Variants in AAK1 observed in about 807,000 individuals in gnomAD.
AAK1 encodes the protein AP2 associated kinase 1.
In AAK1, 37 loss-of-function variants were observed where a neutral mutation model predicts 116.0. The observed-to-expected ratio is 0.32, with a 90% CI of 0.25 to 0.42. The LOEUF (loss-of-function observed/expected upper bound fraction) is 0.42, where lower values mean the gene tolerates loss of function less well. AAK1 is among the 10% of genes least tolerant of loss of function. The pLI is 1.00. For synonymous variants in AAK1, 458 were observed against 439.9 expected (o/e 1.04, Z -0.51); for missense variants, 919 against 1,170.6 (o/e 0.79, Z 3.14).
In AAK1 at chr2:69,478,696, C is replaced by T. The variant is rs187004656; in HGVS notation, c.2680+255G>A. ...CTCAAATTCCTAGGCTCAAGTGATC[C>T]TCCCACCTCAGCCTCCCAAAGTGCT... On this transcript the variant is annotated intron_variant, in intron 20 of 21. Transcript: ENST00000409085. 5.1e-3 allele frequency: 1,810 copies of T among 358,310 alleles called. 10 individuals are homozygous for T. Among genetic ancestry groups the T allele is most frequent in the Non-Finnish European group, 7.0e-3 (1,355 of 193,840 alleles). The allele number at this position is 358,310 out of a possible 1,614,324, so 22.2% of individuals were successfully genotyped here.
At chr2:69,607,373 G>A (rs10193533) in intron 2 of AAK1, among the ~76,000 whole-genome samples, 17,451 of 152,076 alleles carry the variant, frequency 0.11, 2,254 homozygotes, top group African/African-American at 0.3. Context: ...GAGGTAAGAG[G>A]AGGGGTCATC....
chr2:69,558,258 G>A (rs543229822), intron 2 of AAK1, among the ~76,000 whole-genome samples: 28 of 151,994 alleles, frequency 1.8e-4, no homozygotes, highest in Admixed American at 2.6e-4. Flanking sequence ...TGGGAAGGAT[G>A]GCTTGAGCCT....
In AAK1 at chr2:69,509,398, C is replaced by T. The variant is rs1676305468; in HGVS notation, c.1839G>A (p.Gly613=). Residue 613 remains glycine, a synonymous_variant, in exon 14 of 22, where the codon GGG becomes GGA. Coordinates refer to ENST00000409085, the MANE Select transcript of AAK1 (RefSeq NM_014911.5). ...VQTTPPPAVQ[G]QKVGSLTPPS... ...GTGGAGTGAGAGATCCAACTTTCTG[C>T]CCCTGGACGGCAGGAGGTGGGGTTG... is the stretch of plus-strand genomic sequence containing the variant. 1 of 1,613,920 alleles carries T rather than the reference C, an allele frequency of 6.2e-7. No individual in the cohort carries two copies.
At chr2:69,637,769 T>G (rs927076164) in intron 2 of AAK1, among the ~76,000 whole-genome samples, 1 of 152,152 alleles carries the variant, frequency 6.6e-6, no homozygotes, top group African/African-American at 2.4e-5. Context: ...TGCAGTAATA[T>G]TTTTTGTGTG....
intron 3 of AAK1, among the ~76,000 whole-genome samples, chr2:69,548,757 A>ACCAC (rs1485493743): frequency 6.6e-6 from 1 of 152,036 alleles, no homozygotes; most frequent in African/African-American, 2.4e-5. Context: ...GGCATGCACC[A>ACCAC]CCACACCCAG....
In AAK1 at chr2:69,471,025, C is replaced by G; in HGVS notation, c.*4844G>C. 3 of 985,766 alleles carry G rather than the reference C, an allele frequency of 3.0e-6. No homozygotes were observed. Among genetic ancestry groups the G allele is most frequent in the Non-Finnish European group, 3.6e-6 (3 of 829,896 alleles). 61.1% of individuals were successfully genotyped at this position (985,766 alleles called of 1,614,324 possible). A position where few individuals can be genotyped will look rare whatever the true frequency, so the allele number is the denominator to read the frequency against. On this transcript the variant is annotated 3_prime_UTR_variant, in exon 22 of 22. Transcript: ENST00000409085. ...CTTGTGCAGCAATGTTCAAATTTCACGTTTTTACTGCATAAGATATCTTCA... is the reference window on the plus strand; with the variant it reads ...CTTGTGCAGCAATGTTCAAATTTCAGGTTTTTACTGCATAAGATATCTTCA...
At chr2:69,630,423 G>T (rs983629605) in intron 2 of AAK1, among the ~76,000 whole-genome samples, 8 of 151,504 alleles carry the variant, frequency 5.3e-5, no homozygotes, top group African/African-American at 1.9e-4. Flanking sequence ...ACTCCACCAG[G>T]TTATATACAT....
rs1299047793 is a variant in AAK1, at chr2:69,470,690, A to C, written c.*5179T>G. ...TACAACCCTGAGTCTGGTCATATCC[A>C]GTGTAGGCTGGCAGGCGTCTTATTC... On this transcript the variant is annotated 3_prime_UTR_variant, in exon 22 of 22. Transcript: ENST00000409085. The C allele has an allele frequency of 2.0e-6, 2 of 985,364 alleles. No individual in the cohort carries two copies. The highest frequency in any genetic ancestry group is 2.4e-6 in the Non-Finnish European group (2 of 829,944). The allele number at this position is 985,364 out of a possible 1,614,324, so 61.0% of individuals were successfully genotyped here. A position where few individuals can be genotyped will look rare whatever the true frequency, so the allele number is the denominator to read the frequency against.
intron 2 of AAK1, among the ~76,000 whole-genome samples, chr2:69,558,213 G>A (rs934581799): frequency 6.6e-5 from 10 of 151,896 alleles, no homozygotes; most frequent in African/African-American, 1.9e-4. Context: ...CATGGTGGGC[G>A]CACACCTATG....
At chr2:69,567,931 C>T (rs1300105367) in intron 2 of AAK1, among the ~76,000 whole-genome samples, 1 of 152,302 alleles carries the variant, frequency 6.6e-6, no homozygotes, top group South Asian at 2.1e-4. Context: ...ACCCCATGCT[C>T]GATCCTGAAG....
At chr2:69,640,687 A>G (rs949004983) in intron 2 of AAK1, among the ~76,000 whole-genome samples, 1 of 152,196 alleles carries the variant, frequency 6.6e-6, no homozygotes, top group African/African-American at 2.4e-5. Context: ...CTTAAGCCAA[A>G]GAACACAAAA....
chr2:69,474,661 C>G lies in AAK1; in HGVS notation c.*1208G>C. On this transcript the variant is annotated 3_prime_UTR_variant, in exon 22 of 22. Transcript: ENST00000409085. ...ACCCAGATTGTGTCCAGCTTGTCAG[C>G]ACACTTATTTCTGATTATCTGAAAA... 3 of 985,696 alleles carry G rather than the reference C, an allele frequency of 3.0e-6. No homozygotes were observed. Among genetic ancestry groups the G allele is most frequent in the Non-Finnish European group, 3.6e-6 (3 of 829,926 alleles). The allele number at this position is 985,696 out of a possible 1,614,324, so 61.1% of individuals were successfully genotyped here. A position where few individuals can be genotyped will look rare whatever the true frequency, so the allele number is the denominator to read the frequency against.
At chr2:69,630,520 C>T (rs948233058) in intron 2 of AAK1, among the ~76,000 whole-genome samples, 1 of 152,190 alleles carries the variant, frequency 6.6e-6, no homozygotes, top group African/African-American at 2.4e-5. Flanking sequence ...CTAACATACA[C>T]CAGTCACTGT....
intron 8 of AAK1, among the ~76,000 whole-genome samples, chr2:69,529,295 T>G (rs1422140385): frequency 6.6e-6 from 1 of 152,200 alleles, no homozygotes; most frequent in East Asian, 1.9e-4. Flanking sequence ...AATCAATCCA[T>G]AACAGTTAAA....
intron 2 of AAK1, among the ~76,000 whole-genome samples, chr2:69,577,976 C>G (rs1672381295): frequency 6.6e-6 from 1 of 152,204 alleles, no homozygotes; most frequent in Non-Finnish European, 1.5e-5. Context: ...CCCAAGACAA[C>G]ATGATCTGAG....
intron 2 of AAK1, among the ~76,000 whole-genome samples, chr2:69,642,335 T>C (rs1403462185): frequency 6.6e-6 from 1 of 152,136 alleles, no homozygotes; most frequent in East Asian, 1.9e-4. Context: ...CTGATTACAG[T>C]TGGGTCAGGA....
chr2:69,564,466 C>T (rs1343959667), intron 2 of AAK1, among the ~76,000 whole-genome samples: 1 of 151,974 alleles, frequency 6.6e-6, no homozygotes, highest in African/African-American at 2.4e-5. Flanking sequence ...AAATTTACCC[C>T]CCAAATATTC....
intron 11 of AAK1, chr2:69,519,978 A>C (rs772370451): frequency 1.1e-4 from 23 of 215,518 alleles, no homozygotes; most frequent in Non-Finnish European, 2.0e-4. Flanking sequence ...CAAGCTCTTC[A>C]GCCTCTTTAG....
intron 2 of AAK1, among the ~76,000 whole-genome samples, chr2:69,628,042 A>G (rs1674986296): frequency 1.3e-5 from 2 of 152,332 alleles, no homozygotes; most frequent in Admixed American, 6.5e-5. Flanking sequence ...TAAGGTAAAG[A>G]TATAGAAAGA....
Sources: allele counts gnomAD v4.1 joint callset (sites outside exome capture counted in the v4.1 genomes callset), GRCh38; gene constraint gnomAD v4.1.1; transcripts MANE v1.5; gene names NCBI Gene and HGNC (gene_info 2026-07-23, HGNC 2026-07-21).